Variants in MYO10 observed in about 807,000 individuals in gnomAD.
MYO10 encodes unconventional myosin-X.
MYO10 carries 133 observed loss-of-function variants against 257.3 expected under a neutral mutation model. The ratio of observed to expected loss-of-function variants is 0.52; its 90% CI spans 0.45 to 0.60. The LOEUF is 0.60. Among genes scored for constraint, MYO10 ranks in the 20% least tolerant of loss-of-function variants. The pLI is 0.00. For missense variants in MYO10, 2,399 were observed against 2,635.7 expected, an observed-to-expected ratio of 0.91 and a Z score of 1.97; for synonymous variants, 1,104 against 1,028.6, an observed-to-expected ratio of 1.07 and a Z score of -1.40.
chr5:16,668,194 G>T (rs879585724), intron 40 of MYO10, 83 bp downstream of exon 40: 114 of 1,398,934 alleles, frequency 8.1e-5, no homozygotes, highest in Non-Finnish European at 1.1e-4. Flanking sequence ...AAATGACCTG[G>T]TCAAAGGCAT....
chr5:16,820,948 T>A (rs1742781565), intron 2 of MYO10, among the ~76,000 whole-genome samples: 1 of 147,890 alleles, frequency 6.8e-6, no homozygotes, highest in South Asian at 2.1e-4. Flanking sequence ...TATTATATAT[T>A]ATACATCTAT....
In MYO10 at chr5:16,763,554, A is replaced by G. The variant is rs759022452; in HGVS notation, c.1428-7T>C. ...TTCCCACACTAATCCTTCCCTGTAGAAAGATTTTAAACAGCCAAGTTAAAT... is the reference window on the plus strand; with the variant it reads ...TTCCCACACTAATCCTTCCCTGTAGGAAGATTTTAAACAGCCAAGTTAAAT... On this transcript the variant is annotated splice_region_variant and splice_polypyrimidine_tract_variant and intron_variant, in intron 13 of 40. Transcript: ENST00000513610. The G allele has an allele frequency of 1.9e-6, 3 of 1,609,094 alleles. No individual in the cohort carries two copies. The highest frequency in any genetic ancestry group is 2.6e-6 in the Non-Finnish European group (3 of 1,175,504).
chr5:16,702,282 C>T (rs528318678), intron 24 of MYO10, among the ~76,000 whole-genome samples: 35 of 152,310 alleles, frequency 2.3e-4, no homozygotes, highest in African/African-American at 8.2e-4. Flanking sequence ...TGGTATTTGG[C>T]TGTGGTGGGC....
At chr5:16,780,391 T>A in intron 8 of MYO10, 133 bp downstream of exon 8, 2 of 802,630 alleles carry the variant, frequency 2.5e-6, no homozygotes, top group Non-Finnish European at 4.0e-6. Flanking sequence ...ATCTTTTTGG[T>A]GTTCGCATAG....
chr5:16,669,329 T>C (rs1407232471), intron 39 of MYO10, among the ~76,000 whole-genome samples: 1 of 152,050 alleles, frequency 6.6e-6, no homozygotes, highest in Non-Finnish European at 1.5e-5. Context: ...TTCTCCTGTC[T>C]CAGCCTCTCG....
chr5:16,775,750 G>A (rs1360152352), intron 9 of MYO10, among the ~76,000 whole-genome samples: 3 of 151,920 alleles, frequency 2.0e-5, no homozygotes, highest in Admixed American at 1.3e-4. Context: ...CTACAGGCAC[G>A]TGCCACCACG....
At chr5:16,731,923 G>C (rs1739598973) in intron 19 of MYO10, among the ~76,000 whole-genome samples, 1 of 151,952 alleles carries the variant, frequency 6.6e-6, no homozygotes, top group Admixed American at 6.6e-5. Flanking sequence ...GCTGCCATCA[G>C]AAAAAAATGG....
chr5:16,887,935 T>C lies in MYO10; in HGVS notation c.22-10228A>G, dbSNP rs551308389. 4.6e-5 allele frequency among the ~76,000 whole-genome samples: 7 copies of C among 152,314 alleles called. No individual in the cohort carries two copies. The East Asian group carries it at 1.4e-3, about 29-fold the overall frequency. Reference sequence around the variant, plus strand: ...CTAAAAGAAATGAGACATCTCCAAATTGCTGAGAGTACCTCAAACATTGTA... The same window carrying C: ...CTAAAAGAAATGAGACATCTCCAAACTGCTGAGAGTACCTCAAACATTGTA... On this transcript the variant is annotated intron_variant, in intron 1 of 40. Transcript: ENST00000513610.
intron 33 of MYO10, among the ~76,000 whole-genome samples, chr5:16,678,573 C>T (rs747023993): frequency 1.3e-5 from 2 of 152,250 alleles, no homozygotes; most frequent in East Asian, 3.9e-4. Context: ...AGCAAGACTC[C>T]GTCCTCCGTC....
intron 10 of MYO10, among the ~76,000 whole-genome samples, chr5:16,766,693 T>C (rs966970688): frequency 4.6e-5 from 7 of 152,032 alleles, no homozygotes; most frequent in Admixed American, 3.9e-4. Context: ...TCTTGATCTC[T>C]TGACCTCATG....
At chr5:16,878,840 G>T (rs1055022578) in intron 1 of MYO10, among the ~76,000 whole-genome samples, 2 of 152,046 alleles carry the variant, frequency 1.3e-5, no homozygotes, top group Non-Finnish European at 2.9e-5. Context: ...GAGAAGGGTG[G>T]GAGGGTGGCG....
At chr5:16,895,978 C>T (rs966400912) in intron 1 of MYO10, among the ~76,000 whole-genome samples, 1 of 152,194 alleles carries the variant, frequency 6.6e-6, no homozygotes, top group Non-Finnish European at 1.5e-5. Flanking sequence ...TGCTGCTCCT[C>T]AACCGGACTG....
chr5:16,771,827 C>A (rs1036661395), intron 9 of MYO10, among the ~76,000 whole-genome samples: 3 of 151,502 alleles, frequency 2.0e-5, no homozygotes, highest in African/African-American at 7.3e-5. Context: ...GCAATCTGCC[C>A]ACCTAGGTCT....
intron 5 of MYO10, 92 bp from the exon 6 acceptor site, chr5:16,781,921 G>T (rs1447034687): frequency 6.8e-7 from 1 of 1,464,006 alleles, no homozygotes; most frequent in Non-Finnish European, 9.3e-7. Context: ...ATATACAACT[G>T]CAAGAAAAAT....
intron 18 of MYO10, among the ~76,000 whole-genome samples, chr5:16,756,340 A>G (rs1740527599): frequency 6.6e-6 from 1 of 152,224 alleles, no homozygotes; most frequent in Admixed American, 6.5e-5. Context: ...TGCTGGGATT[A>G]CAGGCATGTG....
chr5:16,893,211 A>AAAAAAAAAAAAAAAAAAAAAC (rs1745117661), intron 1 of MYO10, among the ~76,000 whole-genome samples: 1 of 150,316 alleles, frequency 6.7e-6, no homozygotes, highest in Non-Finnish European at 1.5e-5. Flanking sequence ...AAAAAAAAAA[A>AAAAAAAAAAAAAAAAAAAAAC]AAAAGAACTT....
At chr5:16,824,799 G>A (rs191820842) in intron 2 of MYO10, among the ~76,000 whole-genome samples, 3 of 152,066 alleles carry the variant, frequency 2.0e-5, no homozygotes, top group East Asian at 1.9e-4. Flanking sequence ...CCCGGGAGGC[G>A]GAGGTTGCAG....
At chr5:16,677,433 T>TTTTTTTTTTG (rs1363770924) in intron 33 of MYO10, among the ~76,000 whole-genome samples, 24 of 145,316 alleles carry the variant, frequency 1.7e-4, no homozygotes, top group African/African-American at 4.6e-4. Context: ...TTTTTTTTTT[T>TTTTTTTTTTG]GAGACGGAGT....
At chr5:16,817,434 A>T (rs1419001674) in intron 3 of MYO10, among the ~76,000 whole-genome samples, 1 of 152,228 alleles carries the variant, frequency 6.6e-6, no homozygotes, top group African/African-American at 2.4e-5. Context: ...TTTATAATAC[A>T]GGTATAGTCA....
Sources: allele counts gnomAD v4.1 joint callset (sites outside exome capture counted in the v4.1 genomes callset), GRCh38; gene constraint gnomAD v4.1.1; transcripts MANE v1.5; gene names NCBI Gene and HGNC (gene_info 2026-07-23, HGNC 2026-07-21).